Variants in COQ5 observed in about 807,000 individuals in gnomAD.
COQ5 encodes the protein coenzyme Q5, methyltransferase, also known as 2-methoxy-6-polyprenyl-1,4-benzoquinol methylase, mitochondrial.
In COQ5, 27 loss-of-function variants were observed where a neutral mutation model predicts 40.5. The observed-to-expected ratio is 0.67, with a 90% CI of 0.49 to 0.92. The LOEUF is 0.92. COQ5 is among the 40% of genes least tolerant of loss of function. The pLI, the probability that COQ5 is intolerant of heterozygous loss-of-function variation, is 0.00. For synonymous variants in COQ5, 141 were observed against 150.0 expected (o/e 0.94, Z 0.44); for missense variants, 409 against 406.4 (o/e 1.01, Z -0.06).
At chr12:120,505,148 G>C (rs115943032) in intron 4 of COQ5, among the ~76,000 whole-genome samples, 165 bp from the exon 5 acceptor site, 1 of 152,170 alleles carries the variant, frequency 6.6e-6, no homozygotes, top group Non-Finnish European at 1.5e-5. Context: ...ATAACCCTAC[G>C]TATCCCAAAT....
At position 120,528,949 on chromosome 12, in the gene COQ5, C is replaced by A; in HGVS notation, c.193G>T (p.Gly65Trp). ...CTCTCGCCCCTTTCACCTTTGCCCC[C>A]CTTCTCCTCTTCCGACACAGTCTCA... Reference protein sequence around the residue: ...GFETVSEEEKGGKVYQVFESV... With the variant: ...GFETVSEEEKWGKVYQVFESV... Residue 65 changes from glycine (G) to tryptophan (W), a missense_variant, in exon 1 of 7, where the codon GGG (glycine) becomes TGG (tryptophan). Coordinates refer to ENST00000288532, the MANE Select transcript of COQ5 (RefSeq NM_032314.4). 1 of 1,614,168 alleles carries A rather than the reference C, an allele frequency of 6.2e-7. No homozygotes were observed. Among genetic ancestry groups the A allele is most frequent in the Non-Finnish European group, 8.5e-7 (1 of 1,180,018 alleles).
intron 3 of COQ5, among the ~76,000 whole-genome samples, chr12:120,511,908 T>C (rs969419846): frequency 1.3e-5 from 2 of 152,154 alleles, no homozygotes; most frequent in Admixed American, 6.6e-5. Flanking sequence ...TATGGAAGAA[T>C]AGCATAAAAA....
At chr12:120,523,028 T>C in intron 1 of COQ5, 1 of 497,036 alleles carries the variant, frequency 2.0e-6, no homozygotes, top group Non-Finnish European at 3.6e-6. Flanking sequence ...CCTTAAGAGA[T>C]TCTTATAAAA....
rs1165945920 is a variant in COQ5 at position 120,504,793 on chromosome 12, C to G, written c.770+102G>C. ...ACTGGCTGACCTCTGGTACTCTGAA[C>G]TACAAAGTTCATGCTTATAGCTTAC... On this transcript the variant is annotated intron_variant, in intron 5 of 6. Coordinates refer to ENST00000288532, the MANE Select transcript of COQ5 (RefSeq NM_032314.4). 5 of 1,011,000 alleles carry G rather than the reference C, an allele frequency of 4.9e-6. No individual in the cohort carries two copies. In the African/African-American group the frequency reaches 6.3e-5, roughly 13 times the overall value. The allele number at this position is 1,011,000 out of a possible 1,614,324, so 62.6% of individuals were successfully genotyped here.
chr12:120,503,451 C>G lies in COQ5; in HGVS notation c.*333G>C. 1 of 442,676 alleles carries G rather than the reference C, an allele frequency of 2.3e-6. No individual in the cohort carries two copies. The highest frequency in any genetic ancestry group is 1.7e-5 in the South Asian group (1 of 57,860). 27.4% of individuals were successfully genotyped at this position (442,676 alleles called of 1,614,324 possible). ...TCTATCATCCCTCTAGAAGGCAGCA[C>G]CAGCAGAGAAGCTATAAATACACTC... On this transcript the variant is annotated 3_prime_UTR_variant, in exon 7 of 7. Coordinates refer to ENST00000288532, the MANE Select transcript of COQ5 (RefSeq NM_032314.4).
Position 120,509,798 on chromosome 12 carries a change from G to A in COQ5, c.681+219C>T, listed in dbSNP as rs1470674187. On this transcript the variant is annotated intron_variant, in intron 4 of 6. Transcript: ENST00000288532. ...ATCTCTCTCTCTCTCTCTCTCCCTG[G>A]GTGTGGTGGTGGGTTCCTGTAAGGT... 8 of 557,312 alleles carry A rather than the reference G, an allele frequency of 1.4e-5. No homozygotes were observed. In the Admixed American group the frequency reaches 2.0e-4, roughly 14 times the overall value. 34.5% of individuals were successfully genotyped at this position (557,312 alleles called of 1,614,324 possible). A position where few individuals can be genotyped will look rare whatever the true frequency, so the allele number is the denominator to read the frequency against.
chr12:120,508,621 A>G (rs1334181591), intron 4 of COQ5, among the ~76,000 whole-genome samples: 1 of 152,218 alleles, frequency 6.6e-6, no homozygotes, highest in Non-Finnish European at 1.5e-5. Flanking sequence ...AAAGATACAC[A>G]AGAAGCTGGT....
At chr12:120,509,942 TC>T (rs1473881040) in intron 4 of COQ5, 74 bp downstream of exon 4, 10 of 1,202,410 alleles carry the variant, frequency 8.3e-6, no homozygotes, top group Non-Finnish European at 1.2e-5. Context: ...TCTCCTTCTT[TC>T]CTCACTCACT....
Position 120,503,609 on chromosome 12 carries a change from T to C in COQ5, c.*175A>G. On this transcript the variant is annotated 3_prime_UTR_variant, in exon 7 of 7. Transcript: ENST00000288532. Reference sequence around the variant, plus strand: ...ACTGAAGCAGCTCCAAAGAAAGCTGTAAAAAAGTGACAAGAATTTGTTCTT... The same window carrying C: ...ACTGAAGCAGCTCCAAAGAAAGCTGCAAAAAAGTGACAAGAATTTGTTCTT... 1 of 698,636 alleles carries C rather than the reference T, an allele frequency of 1.4e-6. No homozygotes were observed. The allele number at this position is 698,636 out of a possible 1,614,324, so 43.3% of individuals were successfully genotyped here.
At chr12:120,524,879 C>T (rs530863679) in intron 1 of COQ5, among the ~76,000 whole-genome samples, 24 of 151,814 alleles carry the variant, frequency 1.6e-4, no homozygotes, top group Non-Finnish European at 2.6e-4. Context: ...AGTGCAGTGG[C>T]GTGATCTTGG....
chr12:120,529,086 C>T lies in COQ5; in HGVS notation c.56G>A (p.Arg19Gln). Residue 19 changes from arginine to glutamine, a missense_variant, in exon 1 of 7, where the codon CGG becomes CAG. By Grantham distance (43) the Arg-to-Gln change is conservative (BLOSUM62 1). Coordinates refer to ENST00000288532, the MANE Select transcript of COQ5 (RefSeq NM_032314.4). ...GAGGAGCTGGCAGCCCCGCATCGCC[C>T]GCGACCACCCACGGCCGCAATAGCT... Reference protein sequence around the residue: ...LWSYCGRGWSRAMRGCQLLGL... With the variant: ...LWSYCGRGWSQAMRGCQLLGL... The T allele has an allele frequency of 6.2e-7, 1 of 1,614,120 alleles. No individual in the cohort carries two copies. The highest frequency in any genetic ancestry group is 8.5e-7 in the Non-Finnish European group (1 of 1,180,014).
At chr12:120,512,108 G>A (rs1210654174) in intron 3 of COQ5, among the ~76,000 whole-genome samples, 1 of 152,100 alleles carries the variant, frequency 6.6e-6, no homozygotes, top group Non-Finnish European at 1.5e-5. Flanking sequence ...TAATCAGGAG[G>A]CTGAGGCAGG....
chr12:120,516,800 C>G lies in COQ5; in HGVS notation c.353-12G>C, dbSNP rs765055049. The G allele has an allele frequency of 2.7e-5, 44 of 1,607,154 alleles. No homozygotes were observed. Among genetic ancestry groups the G allele is most frequent in the Non-Finnish European group, 3.7e-5 (43 of 1,173,814 alleles). The stretch of plus-strand genomic sequence containing the variant: ...GAATGCAATGTCACCTGTGGGAAGC[C>G]AACATGAGGAAAGATGCAGACTAAA... On this transcript the variant is annotated splice_polypyrimidine_tract_variant and intron_variant, in intron 2 of 6. Transcript: ENST00000288532.
intron 1 of COQ5, chr12:120,522,725 G>A (rs1156910518): frequency 4.6e-6 from 3 of 657,518 alleles, no homozygotes; most frequent in Non-Finnish European, 8.1e-6. Context: ...TGCAGCCTGG[G>A]CCTTGGTTTG....
chr12:120,507,194 C>T lies in COQ5; in HGVS notation c.682-2211G>A, dbSNP rs537895891. Among the ~76,000 whole-genome samples the T allele has an allele frequency of 4.4e-4, 67 of 152,078 alleles. 1 individual carries two copies. The South Asian group carries it at 0.013, about 30-fold the overall frequency. ...TGCTGTTCAAACAGTTGTCAAAAGA[C>T]AAGTGTTTGAATAGCACAAGATTAG... is the stretch of plus-strand genomic sequence containing the variant. On this transcript the variant is annotated intron_variant, in intron 4 of 6. Coordinates refer to ENST00000288532, the MANE Select transcript of COQ5 (RefSeq NM_032314.4).
chr12:120,508,566 G>T (rs917529253), intron 4 of COQ5, among the ~76,000 whole-genome samples: 1 of 152,092 alleles, frequency 6.6e-6, no homozygotes, highest in Admixed American at 6.6e-5. Flanking sequence ...ATATCAATTG[G>T]TTATTAGTTA....
At chr12:120,517,243 T>C (rs944195804) in intron 2 of COQ5, among the ~76,000 whole-genome samples, 2 of 151,684 alleles carry the variant, frequency 1.3e-5, no homozygotes, top group Non-Finnish European at 2.9e-5. Context: ...TCCCAGCTAC[T>C]TGGGAGCCTG....
At chr12:120,528,379 C>T (rs1870063931) in intron 1 of COQ5, among the ~76,000 whole-genome samples, 1 of 152,112 alleles carries the variant, frequency 6.6e-6, no homozygotes, top group Non-Finnish European at 1.5e-5. Context: ...GTCTCAATTT[C>T]CTCACGTGTA....
intron 3 of COQ5, among the ~76,000 whole-genome samples, chr12:120,511,515 G>GT (rs1394853371): frequency 6.6e-6 from 1 of 152,174 alleles, no homozygotes; most frequent in African/African-American, 2.4e-5. Flanking sequence ...GCTGAGCACG[G>GT]TGGCATGCAC....
Sources: allele counts gnomAD v4.1 joint callset (sites outside exome capture counted in the v4.1 genomes callset), GRCh38; gene constraint gnomAD v4.1.1; transcripts MANE v1.5; gene names NCBI Gene and HGNC (gene_info 2026-07-23, HGNC 2026-07-21).